The following ZSWIM6 variants were observed in gnomAD, a reference collection of about 807,000 sequenced individuals.
ZSWIM6 encodes the protein zinc finger SWIM domain-containing protein 6.
ZSWIM6 carries 9 observed loss-of-function variants against 113.2 expected under a neutral mutation model. The observed-to-expected ratio is 0.08, with a 90% CI of 0.05 to 0.14. ZSWIM6 has a LOEUF of 0.14. ZSWIM6 is among the 10% of genes least tolerant of loss of function. The pLI, the probability that ZSWIM6 is intolerant of heterozygous loss-of-function variation, is 1.00. For missense variants in ZSWIM6, 1,162 were observed against 1,552.2 expected, an observed-to-expected ratio of 0.75 and a Z score of 4.22; for synonymous variants, 611 against 606.5, an observed-to-expected ratio of 1.01 and a Z score of -0.11.
intron 4 of ZSWIM6, among the ~76,000 whole-genome samples, chr5:61,505,033 G>C (rs1025270825): frequency 1.3e-5 from 2 of 152,140 alleles, no homozygotes; most frequent in African/African-American, 4.8e-5. Flanking sequence ...TTATGTATTA[G>C]AATAAAATAA....
chr5:61,526,232 CT>C lies in ZSWIM6; in HGVS notation c.1691-16del. On this transcript the variant is annotated splice_polypyrimidine_tract_variant and intron_variant, in intron 6 of 13. Transcript: ENST00000252744. ...TATCTGACAGTGGCAACTTTACCCC[CT>C]TGACTTTCTGTTTTAGAACATGTTC... The C allele has an allele frequency of 6.5e-7, 1 of 1,537,896 alleles. No homozygotes were observed. The highest frequency in any genetic ancestry group is 8.8e-7 in the Non-Finnish European group (1 of 1,141,516).
At chr5:61,499,227 A>C (rs192184649) in intron 4 of ZSWIM6, among the ~76,000 whole-genome samples, 2 of 152,276 alleles carry the variant, frequency 1.3e-5, no homozygotes, top group East Asian at 3.9e-4. Flanking sequence ...GCGTAATTCT[A>C]ATGAACCACA....
At chr5:61,521,575 G>A (rs1749122568) in intron 5 of ZSWIM6, 133 bp downstream of exon 5, 2 of 587,702 alleles carry the variant, frequency 3.4e-6, no homozygotes, top group Non-Finnish European at 5.2e-6. Flanking sequence ...TACTTAATAT[G>A]TGTTGACTGT....
At chr5:61,473,685 A>G (rs1389162631) in intron 2 of ZSWIM6, among the ~76,000 whole-genome samples, 1 of 152,242 alleles carries the variant, frequency 6.6e-6, no homozygotes, top group Admixed American at 6.5e-5. Context: ...TTCATAGAGT[A>G]CATTAATATA....
At chr5:61,382,740 G>C (rs1301911076) in intron 1 of ZSWIM6, among the ~76,000 whole-genome samples, 8 of 152,066 alleles carry the variant, frequency 5.3e-5, no homozygotes, top group East Asian at 1.9e-4. Context: ...GGGAGGTGGA[G>C]GTTACAGTGA....
chr5:61,362,721 T>A (rs919456955), intron 1 of ZSWIM6, among the ~76,000 whole-genome samples: 6 of 152,224 alleles, frequency 3.9e-5, no homozygotes, highest in Non-Finnish European at 8.8e-5. Flanking sequence ...CAAAGCTTTC[T>A]GTGCCATCAA....
In ZSWIM6 at chr5:61,540,855, A is replaced by G. The variant is rs1044563030; in HGVS notation, c.2704-1029A>G. On this transcript the variant is annotated intron_variant, in intron 12 of 13. Transcript: ENST00000252744. Reference sequence around the variant, plus strand: ...TCACAGGCCCTTTGTGAGTATTTCTAGAACCTAAAAAGGAATCCCACAGGG... The same window carrying G: ...TCACAGGCCCTTTGTGAGTATTTCTGGAACCTAAAAAGGAATCCCACAGGG... Among the ~76,000 whole-genome samples, 11 of 151,716 alleles carry G rather than the reference A, an allele frequency of 7.3e-5. No individual in the cohort carries two copies. In the East Asian group the frequency reaches 2.1e-3, roughly 29 times the overall value.
intron 1 of ZSWIM6, among the ~76,000 whole-genome samples, chr5:61,408,720 C>T (rs1746090416): frequency 6.6e-6 from 1 of 152,270 alleles, no homozygotes; most frequent in South Asian, 2.1e-4. Context: ...TTACAAAATG[C>T]TGAGCTCAGG....
chr5:61,498,315 G>A (rs1201773410), intron 4 of ZSWIM6, among the ~76,000 whole-genome samples: 2 of 152,134 alleles, frequency 1.3e-5, no homozygotes, highest in Admixed American at 1.3e-4. Flanking sequence ...TATAAATCCT[G>A]TTTCTTAGGG....
intron 1 of ZSWIM6, among the ~76,000 whole-genome samples, chr5:61,354,028 T>C (rs764935899): frequency 6.6e-6 from 1 of 152,216 alleles, no homozygotes; most frequent in Non-Finnish European, 1.5e-5. Flanking sequence ...AGCCTTAAAA[T>C]GTGCTTTCCC....
In ZSWIM6 at chr5:61,448,263, G is replaced by A. The variant is rs146296173; in HGVS notation, c.677-24418G>A. On this transcript the variant is annotated intron_variant, in intron 1 of 13. Coordinates refer to ENST00000252744, the MANE Select transcript of ZSWIM6 (RefSeq NM_020928.2). Reference sequence around the variant, plus strand: ...ATTTTCCAAAGGGGGAAAATAATACGTATTTTATTGAGTTGTAAAACTATC... The same window carrying A: ...ATTTTCCAAAGGGGGAAAATAATACATATTTTATTGAGTTGTAAAACTATC... 3.2e-3 allele frequency among the ~76,000 whole-genome samples: 481 copies of A among 152,210 alleles called. 2 individuals are homozygous for A. Among genetic ancestry groups the A allele is most frequent in the African/African-American group, 9.5e-3 (395 of 41,538 alleles).
chr5:61,387,084 C>T (rs1197832518), intron 1 of ZSWIM6, among the ~76,000 whole-genome samples: 2 of 151,196 alleles, frequency 1.3e-5, no homozygotes, highest in Non-Finnish European at 3.0e-5. Flanking sequence ...GAGTTTACTT[C>T]TCTGCTGGTA....
At chr5:61,334,184 C>T (rs550389340) in intron 1 of ZSWIM6, among the ~76,000 whole-genome samples, 1 of 152,310 alleles carries the variant, frequency 6.6e-6, no homozygotes, top group South Asian at 2.1e-4. Context: ...AGAGTTTTCT[C>T]AAATACCTTA....
intron 2 of ZSWIM6, among the ~76,000 whole-genome samples, chr5:61,473,704 A>G (rs570006922): frequency 6.6e-6 from 1 of 152,346 alleles, no homozygotes; most frequent in South Asian, 2.1e-4. Context: ...TAGGACAAGT[A>G]ATGTTGCCAA....
At chr5:61,368,034 G>A (rs1579956822) in intron 1 of ZSWIM6, among the ~76,000 whole-genome samples, 1 of 152,176 alleles carries the variant, frequency 6.6e-6, no homozygotes, top group South Asian at 2.1e-4. Flanking sequence ...GGCTGAGGCA[G>A]GGGGATCACT....
intron 1 of ZSWIM6, among the ~76,000 whole-genome samples, chr5:61,385,383 T>C (rs980561184): frequency 1.3e-5 from 2 of 152,294 alleles, no homozygotes; most frequent in Admixed American, 1.3e-4. Flanking sequence ...TAGATGACCA[T>C]AGTTGAAGCT....
chr5:61,400,802 TA>T (rs1361760436), intron 1 of ZSWIM6, among the ~76,000 whole-genome samples: 1 of 152,206 alleles, frequency 6.6e-6, no homozygotes, highest in Non-Finnish European at 1.5e-5. Context: ...AAGTGGTTGA[TA>T]AAAATGTTGA....
At chr5:61,356,416 T>G (rs1323230450) in intron 1 of ZSWIM6, among the ~76,000 whole-genome samples, 1 of 152,042 alleles carries the variant, frequency 6.6e-6, no homozygotes, top group East Asian at 1.9e-4. Context: ...TCATTTTATT[T>G]TCGTAGAAGT....
intron 1 of ZSWIM6, chr5:61,347,736 G>T (rs1448356901): frequency 6.6e-6 from 1 of 152,218 alleles, no homozygotes; most frequent in African/African-American, 2.4e-5. Flanking sequence ...TGTATTGTTT[G>T]TGAAAATATC....
Sources: allele counts gnomAD v4.1 joint callset (sites outside exome capture counted in the v4.1 genomes callset), GRCh38; gene constraint gnomAD v4.1.1; transcripts MANE v1.5; gene names NCBI Gene and HGNC (gene_info 2026-07-23, HGNC 2026-07-21).